KIF1A: variants seen among roughly 807,000 people sequenced by gnomAD.
The protein encoded by KIF1A is kinesin-like protein KIF1A.
KIF1A carries 46 observed loss-of-function variants against 227.3 expected under a neutral mutation model. The ratio of observed to expected loss-of-function variants is 0.20; its 90% CI spans 0.16 to 0.26. The LOEUF (loss-of-function observed/expected upper bound fraction) is 0.26, where lower values mean the gene tolerates loss of function less well. Ranked by LOEUF, KIF1A falls within the 10% of genes least tolerant of loss-of-function variation. The pLI is 1.00. For missense variants in KIF1A, 1,683 were observed against 2,485.9 expected (o/e 0.68, Z 6.87); for synonymous variants, 1,022 against 1,012.8 (o/e 1.01, Z -0.17).
chr2:240,750,219 G>A (rs886187936), intron 28 of KIF1A, among the ~76,000 whole-genome samples: 6 of 152,230 alleles, frequency 3.9e-5, no homozygotes, highest in African/African-American at 9.6e-5. Context: ...GGCCCACTGC[G>A]GGGCAGCAGC....
At chr2:240,730,579 T>C (rs1390788079) in intron 38 of KIF1A, among the ~76,000 whole-genome samples, 2 of 152,098 alleles carry the variant, frequency 1.3e-5, no homozygotes, top group East Asian at 3.9e-4. Flanking sequence ...AGGGAGGCGA[T>C]CTAACAGGCT....
At chr2:240,737,003 G>T in intron 38 of KIF1A, 60 bp downstream of exon 38, 2 of 1,391,314 alleles carry the variant, frequency 1.4e-6, no homozygotes, top group Non-Finnish European at 2.0e-6. Context: ...CGGGTTGGCT[G>T]AGGGCCTGGC....
At chr2:240,729,540 C>T (rs889449812) in intron 38 of KIF1A, among the ~76,000 whole-genome samples, 1 of 152,232 alleles carries the variant, frequency 6.6e-6, no homozygotes, top group Non-Finnish European at 1.5e-5. Flanking sequence ...CCCAGTGAGG[C>T]AGGCAGGACT....
chr2:240,771,637 G>T (rs151144555), intron 14 of KIF1A, among the ~76,000 whole-genome samples: 1 of 152,006 alleles, frequency 6.6e-6, no homozygotes, highest in African/African-American at 2.4e-5. Flanking sequence ...AGACCCCCAC[G>T]CTTGTCCTCC....
At chr2:240,745,628 G>T in intron 31 of KIF1A, 110 bp downstream of exon 31, 1 of 1,490,544 alleles carries the variant, frequency 6.7e-7, no homozygotes, top group South Asian at 1.2e-5. Flanking sequence ...CCTGCGGGCT[G>T]GGCCAACACA....
chr2:240,720,285 A>C, intron 45 of KIF1A: 1 of 190,100 alleles, frequency 5.3e-6, no homozygotes, highest in South Asian at 1.7e-4. Context: ...TGAAGGTGAC[A>C]CGAGGTTCCA....
In KIF1A at chr2:240,742,164, C is replaced by T. The variant is rs75799580; in HGVS notation, c.3640+765G>A. 1.7e-4 allele frequency among the ~76,000 whole-genome samples: 26 copies of T among 152,300 alleles called. No homozygotes were observed. The East Asian group carries it at 2.5e-3, about 15-fold the overall frequency. ...GCAAACCTTCATCTTACAGGGGTTC[C>T]GAGGACAGGGTCCTTGCAAGGCAGG... On this transcript the variant is annotated intron_variant, in intron 34 of 48. Transcript: ENST00000498729.
chr2:240,794,792 A>C (rs966734909), intron 2 of KIF1A, among the ~76,000 whole-genome samples: 3 of 151,888 alleles, frequency 2.0e-5, no homozygotes, highest in Non-Finnish European at 4.4e-5. Context: ...CCACCCTCAC[A>C]ACCTGCCTTT....
At chr2:240,765,371 C>G (rs181498472) in intron 20 of KIF1A, among the ~76,000 whole-genome samples, 1 of 152,266 alleles carries the variant, frequency 6.6e-6, no homozygotes, top group Non-Finnish European at 1.5e-5. Context: ...CCTGTATCCC[C>G]CAGACCAGCC....
At chr2:240,765,320 G>A (rs190292901) in intron 20 of KIF1A, among the ~76,000 whole-genome samples, 1 of 152,340 alleles carries the variant, frequency 6.6e-6, no homozygotes, top group Admixed American at 6.5e-5. Flanking sequence ...ACCCCACTGA[G>A]CTCCACAACA....
intron 17 of KIF1A, 67 bp from the exon 18 acceptor site, chr2:240,767,412 CT>C (rs2051349176): frequency 7.7e-7 from 1 of 1,300,364 alleles, no homozygotes; most frequent in Non-Finnish European, 1.1e-6. Context: ...CCACACCCCC[CT>C]CCAACCTCTC....
chr2:240,801,510 A>C (rs1473501042), intron 1 of KIF1A, among the ~76,000 whole-genome samples: 1 of 152,232 alleles, frequency 6.6e-6, no homozygotes, highest in African/African-American at 2.4e-5. Flanking sequence ...TGAAATGGTC[A>C]AACATACCTG....
At chr2:240,794,529 T>C (rs1198412862) in intron 2 of KIF1A, among the ~76,000 whole-genome samples, 1 of 152,164 alleles carries the variant, frequency 6.6e-6, no homozygotes, top group East Asian at 1.9e-4. Flanking sequence ...AAACACAAAC[T>C]TTCAGGAGCA....
intron 38 of KIF1A, among the ~76,000 whole-genome samples, chr2:240,730,190 G>C (rs2046445210): frequency 6.6e-6 from 1 of 152,228 alleles, no homozygotes; most frequent in Admixed American, 6.5e-5. Context: ...TGGTGGATCA[G>C]GGAGGAGCAG....
intron 23 of KIF1A, among the ~76,000 whole-genome samples, chr2:240,761,838 A>G (rs562829097): frequency 6.6e-6 from 1 of 152,236 alleles, no homozygotes; most frequent in East Asian, 1.9e-4. Context: ...ACAGCCACAC[A>G]CCATCTGGGG....
chr2:240,813,738 G>A (rs1044116158), intron 1 of KIF1A, among the ~76,000 whole-genome samples: 10 of 148,610 alleles, frequency 6.7e-5, no homozygotes, highest in East Asian at 2.1e-4. Context: ...TGCCGCTCCC[G>A]CCAATGGCCT....
At chr2:240,722,359 G>GC in intron 43 of KIF1A, 97 bp downstream of exon 43, 1 of 1,208,308 alleles carries the variant, frequency 8.3e-7, no homozygotes, top group Non-Finnish European at 1.2e-6. Context: ...AACCAGAGCA[G>GC]CCATGGGCAA....
intron 2 of KIF1A, among the ~76,000 whole-genome samples, chr2:240,796,639 C>A (rs2056430104): frequency 6.6e-6 from 1 of 152,180 alleles, no homozygotes; most frequent in African/African-American, 2.4e-5. Context: ...GCCCCACAGC[C>A]GCAGCAGCCT....
chr2:240,718,759 C>G (rs776791604), intron 47 of KIF1A, among the ~76,000 whole-genome samples: 14 of 152,202 alleles, frequency 9.2e-5, no homozygotes, highest in Non-Finnish European at 1.6e-4. Flanking sequence ...TAATGCTTGC[C>G]CTGACCGGAG....
Sources: allele counts gnomAD v4.1 joint callset (sites outside exome capture counted in the v4.1 genomes callset), GRCh38; gene constraint gnomAD v4.1.1; transcripts MANE v1.5; gene names NCBI Gene and HGNC (gene_info 2026-07-23, HGNC 2026-07-21).